ZBTB7C: variants seen among roughly 807,000 people sequenced by gnomAD.
The protein encoded by ZBTB7C is zinc finger and BTB domain containing 7C.
In ZBTB7C, 8 loss-of-function variants were observed where a neutral mutation model predicts 25.7. The observed-to-expected ratio is 0.31, with a 90% CI of 0.18 to 0.56. ZBTB7C has a LOEUF of 0.56. ZBTB7C is among the 20% of genes least tolerant of loss of function. The pLI is 0.91. For missense variants in ZBTB7C, 824 were observed against 855.2 expected (o/e 0.96, Z 0.46); for synonymous variants, 394 against 369.0 (o/e 1.07, Z -0.78).
At chr18:48,351,643 C>T (rs1229810362) in intron 1 of ZBTB7C, among the ~76,000 whole-genome samples, 1 of 152,220 alleles carries the variant, frequency 6.6e-6, no homozygotes, top group African/African-American at 2.4e-5. Context: ...GATGTTGCTT[C>T]AACTTGAAGG....
intron 2 of ZBTB7C, among the ~76,000 whole-genome samples, chr18:48,334,167 A>T (rs1216134613): frequency 1.3e-5 from 2 of 152,156 alleles, no homozygotes; most frequent in Non-Finnish European, 2.9e-5. Flanking sequence ...ACAATAATCT[A>T]GGTGGATTCC....
chr18:48,125,136 T>C (rs933408547), intron 3 of ZBTB7C, among the ~76,000 whole-genome samples: 4 of 152,230 alleles, frequency 2.6e-5, no homozygotes, highest in African/African-American at 9.6e-5. Context: ...ATCTTTTTGA[T>C]CTTCTCATCA....
intron 1 of ZBTB7C, among the ~76,000 whole-genome samples, chr18:48,349,011 G>A (rs2046803783): frequency 6.6e-6 from 1 of 152,204 alleles, no homozygotes; most frequent in African/African-American, 2.4e-5. Context: ...AGGGACAGAT[G>A]GGAGGCATGG....
At chr18:48,109,454 C>A (rs1370620920) in intron 3 of ZBTB7C, among the ~76,000 whole-genome samples, 1 of 152,116 alleles carries the variant, frequency 6.6e-6, no homozygotes, top group Non-Finnish European at 1.5e-5. Context: ...CCTTTCAGAT[C>A]TTTCTAGAAC....
At chr18:48,223,864 G>C (rs531133983) in intron 2 of ZBTB7C, among the ~76,000 whole-genome samples, 26 of 152,318 alleles carry the variant, frequency 1.7e-4, no homozygotes, top group African/African-American at 6.3e-4. Flanking sequence ...AGAAACCTAA[G>C]TGACTTACTT....
intron 2 of ZBTB7C, among the ~76,000 whole-genome samples, chr18:48,313,162 A>T (rs2144805141): frequency 6.6e-6 from 1 of 152,346 alleles, no homozygotes; most frequent in African/African-American, 2.4e-5. Flanking sequence ...ATGACACAGT[A>T]TTCAATGCAT....
intron 2 of ZBTB7C, among the ~76,000 whole-genome samples, chr18:48,227,180 G>T (rs2043125250): frequency 6.6e-6 from 1 of 152,238 alleles, no homozygotes; most frequent in African/African-American, 2.4e-5. Flanking sequence ...GGCCAGGAGG[G>T]CTTGGACAAG....
chr18:48,263,525 C>T lies in ZBTB7C; in HGVS notation c.-79+74649G>A, dbSNP rs866082324. Among the ~76,000 whole-genome samples, 9 of 152,188 alleles carry T rather than the reference C, an allele frequency of 5.9e-5. No homozygotes were observed. The South Asian group carries it at 8.3e-4, about 14-fold the overall frequency. On this transcript the variant is annotated intron_variant, in intron 2 of 4. Transcript: ENST00000590800. ...CCTTAAAAAATGTACTTAATGAATGCATGCAGCTGAGCATTCTGGTGTCCC... is the reference window on the plus strand; with the variant it reads ...CCTTAAAAAATGTACTTAATGAATGTATGCAGCTGAGCATTCTGGTGTCCC...
chr18:48,215,369 TG>T (rs1372941393), intron 2 of ZBTB7C, among the ~76,000 whole-genome samples: 1 of 152,184 alleles, frequency 6.6e-6, no homozygotes, highest in Non-Finnish European at 1.5e-5. Flanking sequence ...CAGGAGGTCC[TG>T]GGAACATGTG....
At chr18:48,342,556 T>C (rs937565631) in intron 1 of ZBTB7C, among the ~76,000 whole-genome samples, 3 of 151,968 alleles carry the variant, frequency 2.0e-5, no homozygotes, top group South Asian at 2.1e-4. Context: ...ACCTAGAGAG[T>C]GTAATCAATT....
chr18:48,305,143 C>G (rs556319527), intron 2 of ZBTB7C, among the ~76,000 whole-genome samples: 1 of 152,070 alleles, frequency 6.6e-6, no homozygotes, highest in African/African-American at 2.4e-5. Flanking sequence ...TCCAGGCCTG[C>G]GAGACCTCCA....
At chr18:48,301,063 T>C (rs1201225898) in intron 2 of ZBTB7C, among the ~76,000 whole-genome samples, 3 of 152,202 alleles carry the variant, frequency 2.0e-5, no homozygotes, top group Non-Finnish European at 4.4e-5. Flanking sequence ...TACTAGTCTG[T>C]TGTTGGGCAC....
intron 2 of ZBTB7C, among the ~76,000 whole-genome samples, chr18:48,256,791 T>C (rs1055713625): frequency 6.6e-6 from 1 of 152,044 alleles, no homozygotes; most frequent in African/African-American, 2.4e-5. Context: ...CATTTGAAAG[T>C]AGACTTTGAC....
At chr18:48,293,658 G>A (rs974537157) in intron 2 of ZBTB7C, among the ~76,000 whole-genome samples, 4 of 152,284 alleles carry the variant, frequency 2.6e-5, no homozygotes, top group East Asian at 3.9e-4. Context: ...AAGAAGAAGA[G>A]TGTAGAACTG....
intron 1 of ZBTB7C, among the ~76,000 whole-genome samples, chr18:48,374,965 C>A (rs1399626234): frequency 1.4e-5 from 1 of 70,344 alleles, no homozygotes; most frequent in Non-Finnish European, 3.8e-5. Flanking sequence ...GCTCTTCATT[C>A]CTCATTCCTC....
At chr18:48,194,756 C>A (rs117566575) in intron 2 of ZBTB7C, among the ~76,000 whole-genome samples, 2,763 of 152,152 alleles carry the variant, frequency 0.018, 35 homozygotes, top group Non-Finnish European at 0.026. Flanking sequence ...GCTGAGGAAC[C>A]CCAAATGCCC....
chr18:48,149,596 T>C (rs536523767), intron 3 of ZBTB7C: 11 of 152,254 alleles, frequency 7.2e-5, no homozygotes, highest in Non-Finnish European at 1.5e-4. Context: ...GTCTTGCCAG[T>C]AGGCCAAGGT....
At position 48,040,526 on chromosome 18, in the gene ZBTB7C, A is replaced by AT; in HGVS notation, c.581dup (p.His194GlnfsTer16). On this transcript the variant is annotated frameshift_variant, in exon 4 of 5. Coordinates refer to ENST00000590800, the MANE Select transcript of ZBTB7C (RefSeq NM_001318841.2). LOFTEE classifies it high-confidence loss of function. ...TGTCTGAATAGGCCTTCTCTGTGAG[A>AT]TGGTCTGTCTTGGAAGGGCTTTGGT... The AT allele has an allele frequency of 6.2e-7, 1 of 1,613,870 alleles. No individual in the cohort carries two copies. Among genetic ancestry groups the AT allele is most frequent in the Non-Finnish European group, 8.5e-7 (1 of 1,179,910 alleles).
At chr18:48,353,770 T>A (rs546920790) in intron 1 of ZBTB7C, among the ~76,000 whole-genome samples, 1 of 152,270 alleles carries the variant, frequency 6.6e-6, no homozygotes, top group East Asian at 1.9e-4. Context: ...ACGTTTCTCA[T>A]GATAACCTCG....
Sources: gnomAD v4.1 joint callset for allele counts (sites outside exome capture counted in the v4.1 genomes callset) on GRCh38, gnomAD v4.1.1 for gene constraint, MANE v1.5 for transcripts, NCBI Gene and HGNC (gene_info 2026-07-23, HGNC 2026-07-21) for gene names.